DAB1: variants seen among roughly 807,000 people sequenced by gnomAD.
DAB1 encodes DAB adaptor protein 1.
In DAB1, 15 loss-of-function variants were observed where a neutral mutation model predicts 64.6. The observed-to-expected ratio is 0.23, with a 90% CI of 0.16 to 0.36. The LOEUF is 0.36. Ranked by LOEUF, DAB1 falls within the 10% of genes least tolerant of loss-of-function variation. DAB1 has a pLI of 1.00. For missense variants in DAB1, 596 were observed against 706.7 expected, an observed-to-expected ratio of 0.84 and a Z score of 1.78; for synonymous variants, 235 against 251.9, an observed-to-expected ratio of 0.93 and a Z score of 0.64.
intron 6 of DAB1, among the ~76,000 whole-genome samples, chr1:57,686,116 C>T (rs758729225): frequency 2.2e-4 from 33 of 152,074 alleles, no homozygotes; most frequent in Non-Finnish European, 3.1e-4. Flanking sequence ...TAAAACCAAA[C>T]ATTGGTTTTT....
At chr1:57,902,087 G>T (rs1304335119) in intron 5 of DAB1, among the ~76,000 whole-genome samples, 1 of 151,426 alleles carries the variant, frequency 6.6e-6, no homozygotes, top group Non-Finnish European at 1.5e-5. Context: ...AGTTCAGGAG[G>T]TGGAGGTTGC....
At chr1:58,363,613 T>C (rs751576373) in intron 3 of DAB1, among the ~76,000 whole-genome samples, 3 of 152,326 alleles carry the variant, frequency 2.0e-5, no homozygotes. Context: ...CAATCACCAA[T>C]TATTTGTCCG....
At chr1:57,510,792 T>G (rs1644396930) in intron 7 of DAB1, among the ~76,000 whole-genome samples, 1 of 152,180 alleles carries the variant, frequency 6.6e-6, no homozygotes, top group African/African-American at 2.4e-5. Context: ...TGATTTCATT[T>G]TTTAGACTCG....
chr1:57,716,852 C>G (rs1323142684), intron 6 of DAB1, among the ~76,000 whole-genome samples: 1 of 152,050 alleles, frequency 6.6e-6, no homozygotes, highest in Non-Finnish European at 1.5e-5. Flanking sequence ...GGGGTTAATA[C>G]GTAGAATTTA....
chr1:58,127,089 T>A (rs1460447364), intron 5 of DAB1, among the ~76,000 whole-genome samples: 3 of 150,768 alleles, frequency 2.0e-5, no homozygotes, highest in African/African-American at 4.9e-5. Flanking sequence ...TGTAAACGTG[T>A]TCCTATTTTT....
chr1:58,190,376 A>G (rs956997501), intron 4 of DAB1, among the ~76,000 whole-genome samples: 1 of 152,110 alleles, frequency 6.6e-6, no homozygotes, highest in African/African-American at 2.4e-5. Flanking sequence ...GAACCAGCTC[A>G]CCTTCCCATC....
chr1:57,381,849 A>G (rs1334157373), intron 1 of DAB1, among the ~76,000 whole-genome samples: 1 of 152,092 alleles, frequency 6.6e-6, no homozygotes. Flanking sequence ...TGTGAAATTA[A>G]ACTTCGAGCT....
intron 4 of DAB1, among the ~76,000 whole-genome samples, chr1:58,178,623 T>G (rs538703078): frequency 1.3e-5 from 2 of 152,232 alleles, no homozygotes; most frequent in South Asian, 4.1e-4. Context: ...AGCTTTCTGA[T>G]GTTTTATAGT....
chr1:57,080,284 A>G (rs1177483416), intron 4 of DAB1, among the ~76,000 whole-genome samples: 1 of 152,156 alleles, frequency 6.6e-6, no homozygotes, highest in Non-Finnish European at 1.5e-5. Flanking sequence ...ATTTGTCAGT[A>G]AACATTTTTA....
chr1:57,918,542 A>C (rs1340488242), intron 5 of DAB1, among the ~76,000 whole-genome samples: 1 of 152,128 alleles, frequency 6.6e-6, no homozygotes, highest in Non-Finnish European at 1.5e-5. Flanking sequence ...ACTAAGACCT[A>C]AGCCAGGCGC....
At chr1:57,203,843 C>T (rs766732467) in intron 2 of DAB1, among the ~76,000 whole-genome samples, 5 of 152,126 alleles carry the variant, frequency 3.3e-5, no homozygotes, top group Non-Finnish European at 5.9e-5. Flanking sequence ...GAGCTAAGAC[C>T]TCTTTGATGT....
intron 7 of DAB1, among the ~76,000 whole-genome samples, chr1:57,627,013 T>A (rs1258327370): frequency 1.3e-5 from 2 of 152,094 alleles, no homozygotes; most frequent in Non-Finnish European, 2.9e-5. Flanking sequence ...GGTTTCTGGA[T>A]GAGATTAGAG....
chr1:57,814,673 A>C (rs1330461859), intron 6 of DAB1, among the ~76,000 whole-genome samples: 1 of 152,230 alleles, frequency 6.6e-6, no homozygotes, highest in Admixed American at 6.5e-5. Context: ...CAGGAAATGA[A>C]GAACTTCCTG....
In DAB1 at chr1:57,987,287, G is replaced by A. The variant is rs376906987; in HGVS notation, n.388-103125C>T. On this transcript the variant is annotated intron_variant and non_coding_transcript_variant, in intron 5 of 20. Coordinates refer to the DAB1 transcript ENST00000485760. Reference sequence around the variant, plus strand: ...TTCCCAGCCACATAGACACATCCGGGTTCTATTTTCTATAATGGTAACTTA... The same window carrying A: ...TTCCCAGCCACATAGACACATCCGGATTCTATTTTCTATAATGGTAACTTA... Among the ~76,000 whole-genome samples, 202 of 152,124 alleles carry A rather than the reference G, an allele frequency of 1.3e-3. 8 individuals are homozygous for A. The South Asian group carries it at 0.04, about 30-fold the overall frequency.
intron 5 of DAB1, among the ~76,000 whole-genome samples, chr1:57,935,937 A>G (rs1282377847): frequency 1.3e-5 from 2 of 152,338 alleles, no homozygotes; most frequent in East Asian, 1.9e-4. Flanking sequence ...AAAAATGTAA[A>G]AAGAAAAGGA....
intron 6 of DAB1, among the ~76,000 whole-genome samples, chr1:57,755,426 C>T (rs1388155939): frequency 6.6e-6 from 1 of 152,096 alleles, no homozygotes; most frequent in Non-Finnish European, 1.5e-5. Flanking sequence ...ATGAGAAATT[C>T]ATTCAATAAG....
intron 7 of DAB1, among the ~76,000 whole-genome samples, chr1:57,570,005 T>G (rs1645175297): frequency 1.3e-5 from 2 of 152,158 alleles, no homozygotes; most frequent in Admixed American, 1.3e-4. Context: ...AGGGGTGGGC[T>G]TGTGATGGTA....
At chr1:57,827,336 A>G (rs755541728) in intron 1 of DAB1, among the ~76,000 whole-genome samples, 58 of 152,194 alleles carry the variant, frequency 3.8e-4, no homozygotes, top group African/African-American at 1.1e-3. Flanking sequence ...TTAATAACAC[A>G]TGTTAGTATC....
At chr1:57,764,367 A>G (rs1208481025) in intron 6 of DAB1, among the ~76,000 whole-genome samples, 4 of 152,182 alleles carry the variant, frequency 2.6e-5, no homozygotes, top group Non-Finnish European at 5.9e-5. Flanking sequence ...TACATATAAC[A>G]TGTAGTGATC....
Sources: gnomAD v4.1 joint callset for allele counts (sites outside exome capture counted in the v4.1 genomes callset) on GRCh38, gnomAD v4.1.1 for gene constraint, MANE v1.5 for transcripts, NCBI Gene and HGNC (gene_info 2026-07-23, HGNC 2026-07-21) for gene names.